The following NRXN3 variants were observed in gnomAD, a reference collection of about 807,000 sequenced individuals.
NRXN3 encodes the protein neurexin 3, also known as neurexin III.
Under a neutral mutation model 137.6 loss-of-function variants are expected in NRXN3, and 32 were observed. The observed-to-expected ratio is 0.23, with a 90% CI of 0.18 to 0.31. The LOEUF (loss-of-function observed/expected upper bound fraction) is 0.31. Among genes scored for constraint, NRXN3 ranks in the 10% least tolerant of loss-of-function variants. The probability of loss-of-function intolerance (pLI) is 1.00; values close to 1 mark genes in which losing one functional copy is unlikely to be tolerated. For synonymous variants in NRXN3, 798 were observed against 784.5 expected, an observed-to-expected ratio of 1.02 and a Z score of -0.29; for missense variants, 1,574 against 2,062.5, an observed-to-expected ratio of 0.76 and a Z score of 4.59.
chr14:78,494,421 G>GTTTTTTTTTT lies in NRXN3; in HGVS notation c.758-150695_758-150694insTTTTTTTTTT, dbSNP rs139596761. Among the ~76,000 whole-genome samples the GTTTTTTTTTT allele has an allele frequency of 1.1e-3, 147 of 132,374 alleles. 1 individual carries two copies. The highest frequency in any genetic ancestry group is 2.7e-3 in the South Asian group (11 of 4,074). 86.8% of individuals were successfully genotyped at this position (132,374 alleles called of 152,430 possible). ...GGCTTGAAAGAATCCTACCAGAGGT[G>GTTTTTTTTTT]TTTTGTTTTTTTTTTTGTCTGATTT... On this transcript the variant is annotated intron_variant, in intron 4 of 20. Coordinates refer to ENST00000335750, the MANE Select transcript of NRXN3 (RefSeq NM_001330195.2).
chr14:78,801,101 C>T (rs529423033), intron 8 of NRXN3, among the ~76,000 whole-genome samples: 1 of 152,272 alleles, frequency 6.6e-6, no homozygotes, highest in South Asian at 2.1e-4. Context: ...GAGGGCGGAT[C>T]AAGAGGTCAT....
chr14:79,833,417 T>C (rs8010821), intron 20 of NRXN3, among the ~76,000 whole-genome samples: 138,096 of 152,066 alleles, frequency 0.91, 62,730 homozygotes, highest in East Asian at 0.95. Context: ...TTATGGTGCC[T>C]TTGCCTCGTA....
chr14:78,171,363 C>A (rs760724199), intron 1 of NRXN3, among the ~76,000 whole-genome samples: 1 of 150,928 alleles, frequency 6.6e-6, no homozygotes. Flanking sequence ...TGTGTGTGCG[C>A]GGGTGTGTGC....
At position 78,800,059 on chromosome 14, in the gene NRXN3, T is replaced by C. The variant is rs570931619; in HGVS notation, c.2045-3561T>C. ...AAATAAAAATTTTGTATATTTATAA[T>C]ATATAACTTTAATGAATGGCGTGTT... On this transcript the variant is annotated intron_variant, in intron 8 of 20. Coordinates refer to ENST00000335750, the MANE Select transcript of NRXN3 (RefSeq NM_001330195.2). Among the ~76,000 whole-genome samples, 149 of 152,272 alleles carry C rather than the reference T, an allele frequency of 9.8e-4. 1 individual carries two copies. Among genetic ancestry groups the C allele is most frequent in the African/African-American group, 3.5e-3 (147 of 41,554 alleles).
At chr14:79,281,434 T>C (rs569229536) in intron 15 of NRXN3, among the ~76,000 whole-genome samples, 3 of 152,278 alleles carry the variant, frequency 2.0e-5, no homozygotes, top group East Asian at 3.9e-4. Flanking sequence ...AAAAGGGCGA[T>C]GTCTGCAGCT....
At chr14:79,778,104 T>A (rs954163083) in intron 19 of NRXN3, among the ~76,000 whole-genome samples, 2 of 152,192 alleles carry the variant, frequency 1.3e-5, no homozygotes, top group Non-Finnish European at 2.9e-5. Context: ...TCAGACAGGT[T>A]TGGCTGAATT....
chr14:78,885,464 G>A (rs1015191555), intron 10 of NRXN3, among the ~76,000 whole-genome samples: 1 of 151,898 alleles, frequency 6.6e-6, no homozygotes, highest in Non-Finnish European at 1.5e-5. Context: ...CAAACAAATT[G>A]CATTTAATAC....
chr14:78,733,184 A>G (rs1181559207), intron 8 of NRXN3, among the ~76,000 whole-genome samples: 5 of 152,110 alleles, frequency 3.3e-5, no homozygotes, highest in Admixed American at 6.6e-5. Context: ...CACCAAGCTC[A>G]TGGAAAGCTT....
intron 15 of NRXN3, among the ~76,000 whole-genome samples, chr14:79,082,391 T>TTATGTG (rs2047213066): frequency 6.8e-6 from 1 of 146,936 alleles, no homozygotes; most frequent in Admixed American, 6.8e-5. Context: ...TGCAAACTAA[T>TTATGTG]TGTGTGTGTG....
At chr14:79,228,906 C>CT (rs1298328741) in intron 15 of NRXN3, among the ~76,000 whole-genome samples, 1 of 152,098 alleles carries the variant, frequency 6.6e-6, no homozygotes, top group Non-Finnish European at 1.5e-5. Flanking sequence ...ACGTGTTACA[C>CT]TTTTTTGCAC....
At chr14:78,625,473 C>T (rs972831335) in intron 4 of NRXN3, among the ~76,000 whole-genome samples, 1 of 152,192 alleles carries the variant, frequency 6.6e-6, no homozygotes. Flanking sequence ...TAATAGAAAA[C>T]CAGAAATACT....
chr14:79,386,083 G>A (rs918638210), intron 15 of NRXN3, among the ~76,000 whole-genome samples: 1 of 151,952 alleles, frequency 6.6e-6, no homozygotes, highest in African/African-American at 2.4e-5. Flanking sequence ...TATTCAACAT[G>A]GTGTTGGAAA....
chr14:78,903,020 G>A (rs1050944179), intron 10 of NRXN3, among the ~76,000 whole-genome samples: 4 of 151,676 alleles, frequency 2.6e-5, no homozygotes, highest in South Asian at 2.1e-4. Flanking sequence ...AAGCTTGGCC[G>A]TGATTTCCCT....
At chr14:78,473,351 A>G (rs1346410998) in intron 4 of NRXN3, among the ~76,000 whole-genome samples, 4 of 151,394 alleles carry the variant, frequency 2.6e-5, no homozygotes, top group Admixed American at 2.6e-4. Flanking sequence ...GCAGTGAGCC[A>G]AGATCACACC....
At chr14:78,278,541 G>C in intron 2 of NRXN3, 104 bp from the exon 3 acceptor site, 1 of 884,114 alleles carries the variant, frequency 1.1e-6, no homozygotes, top group South Asian at 1.4e-5. Flanking sequence ...AGTCATGCAA[G>C]AGCACATTGC....
chr14:78,879,605 T>G (rs888465979), intron 10 of NRXN3, among the ~76,000 whole-genome samples: 1 of 152,174 alleles, frequency 6.6e-6, no homozygotes, highest in Non-Finnish European at 1.5e-5. Flanking sequence ...TTTGAATTCT[T>G]TATATATTTT....
At chr14:79,741,995 C>T (rs2098964873) in intron 19 of NRXN3, among the ~76,000 whole-genome samples, 1 of 152,168 alleles carries the variant, frequency 6.6e-6, no homozygotes, top group Non-Finnish European at 1.5e-5. Context: ...TGTCTTCTAA[C>T]AATATCCTTA....
intron 15 of NRXN3, among the ~76,000 whole-genome samples, chr14:78,998,968 G>C (rs995216894): frequency 2.0e-5 from 3 of 152,060 alleles, no homozygotes; most frequent in Non-Finnish European, 2.9e-5. Context: ...TGAAAAGCTA[G>C]TGGTTCTTAT....
chr14:79,542,888 CAAGA>C (rs2097286872), intron 16 of NRXN3, among the ~76,000 whole-genome samples: 1 of 90,306 alleles, frequency 1.1e-5, no homozygotes, highest in Non-Finnish European at 3.0e-5. Context: ...TTTGGTGTGG[CAAGA>C]AAAAAAAAAA....
Sources: gnomAD v4.1 joint callset for allele counts (sites outside exome capture counted in the v4.1 genomes callset) on GRCh38, gnomAD v4.1.1 for gene constraint, MANE v1.5 for transcripts, NCBI Gene and HGNC (gene_info 2026-07-23, HGNC 2026-07-21) for gene names.